The following ROBO1 variants were observed in gnomAD, a reference collection of about 807,000 sequenced individuals.
The protein encoded by ROBO1 is roundabout guidance receptor 1, also known as roundabout homolog 1.
In ROBO1, 149 loss-of-function variants were observed where a neutral mutation model predicts 195.9. The ratio of observed to expected loss-of-function variants is 0.76; its 90% CI spans 0.67 to 0.87. The LOEUF is 0.87. Among genes scored for constraint, ROBO1 ranks in the 40% least tolerant of loss-of-function variants. The pLI is 0.00. For missense variants in ROBO1, 1,933 were observed against 2,068.3 expected (o/e 0.93, Z 1.27); for synonymous variants, 816 against 733.2 (o/e 1.11, Z -1.82).
chr3:78,701,808 T>C (rs1209924280), intron 8 of ROBO1, among the ~76,000 whole-genome samples: 2 of 152,204 alleles, frequency 1.3e-5, no homozygotes, highest in Non-Finnish European at 2.9e-5. Flanking sequence ...GTCCTAAAGC[T>C]AACTTTAACA....
chr3:78,657,920 A>G (rs980910877), intron 17 of ROBO1, among the ~76,000 whole-genome samples: 7 of 152,230 alleles, frequency 4.6e-5, no homozygotes, highest in Non-Finnish European at 7.3e-5. Context: ...ATTTTATTCA[A>G]CCTCTGGTAC....
intron 1 of ROBO1, among the ~76,000 whole-genome samples, chr3:79,645,159 A>T (rs1945781800): frequency 6.6e-6 from 1 of 152,104 alleles, no homozygotes; most frequent in South Asian, 2.1e-4. Context: ...GACCTAGAAA[A>T]GCAAAATCAA....
intron 1 of ROBO1, among the ~76,000 whole-genome samples, chr3:79,610,681 C>G (rs754153952): frequency 2.6e-5 from 4 of 151,900 alleles, no homozygotes; most frequent in Non-Finnish European, 4.4e-5. Context: ...TGTGGAAAGA[C>G]GAGATATCAT....
intron 2 of ROBO1, among the ~76,000 whole-genome samples, chr3:79,417,179 G>A (rs763108895): frequency 7.2e-5 from 11 of 152,122 alleles, no homozygotes; most frequent in African/African-American, 1.2e-4. Context: ...ATGATGCTGT[G>A]ATTCTAAGTC....
chr3:78,691,082 A>G (rs1254120002), intron 8 of ROBO1, among the ~76,000 whole-genome samples: 1 of 152,126 alleles, frequency 6.6e-6, no homozygotes, highest in Non-Finnish European at 1.5e-5. Context: ...TTAGAAACAT[A>G]ACTTTTAAAA....
intron 5 of ROBO1, among the ~76,000 whole-genome samples, chr3:78,731,083 A>T (rs2108187471): frequency 6.6e-6 from 1 of 152,272 alleles, no homozygotes; most frequent in Non-Finnish European, 1.5e-5. Context: ...GTGAAAACAA[A>T]ATAAAAGAGA....
At chr3:79,031,641 T>A (rs1428874834) in intron 3 of ROBO1, among the ~76,000 whole-genome samples, 3 of 152,194 alleles carry the variant, frequency 2.0e-5, no homozygotes, top group Non-Finnish European at 4.4e-5. Flanking sequence ...AGTTCTCCCC[T>A]TCTAGGGGTT....
At chr3:78,705,028 T>G (rs1174740451) in intron 8 of ROBO1, among the ~76,000 whole-genome samples, 1 of 152,226 alleles carries the variant, frequency 6.6e-6, no homozygotes, top group Non-Finnish European at 1.5e-5. Flanking sequence ...ACAGTATATC[T>G]AAATTTGTTT....
At chr3:79,475,150 T>A (rs182586707) in intron 2 of ROBO1, among the ~76,000 whole-genome samples, 3,797 of 151,610 alleles carry the variant, frequency 0.025, 105 homozygotes, top group African/African-American at 0.067. Flanking sequence ...GCTTTTTTTT[T>A]AAAAAAAAAT....
chr3:79,621,194 T>G (rs909171453), intron 1 of ROBO1, among the ~76,000 whole-genome samples: 1 of 152,162 alleles, frequency 6.6e-6, no homozygotes, highest in South Asian at 2.1e-4. Context: ...ACAGCCCTCA[T>G]TACTTCAGTC....
chr3:78,859,803 C>T (rs1308491683), intron 4 of ROBO1, among the ~76,000 whole-genome samples: 1 of 152,002 alleles, frequency 6.6e-6, no homozygotes, highest in African/African-American at 2.4e-5. Context: ...CAGGGGGAGC[C>T]GGTGCAGGGG....
At position 78,607,010 on chromosome 3, in the gene ROBO1, A is replaced by T; in HGVS notation, c.4467T>A (p.Ala1489=). The change falls in exon 29 of 31, where the codon GCT becomes GCA. Residue 1489 remains alanine, a synonymous_variant. Coordinates refer to ENST00000464233, the MANE Select transcript of ROBO1 (RefSeq NM_002941.4). The part of the protein sequence containing the change: ...DLPPPPVPPP[A]IKSPTAQSKT... ...TGGATTGGGCAGTAGGTGACTTTAT[A>T]GCAGGTGGCGGCACAGGAGGTGGTG... is the stretch of plus-strand genomic sequence containing the variant. 1 of 1,612,630 alleles carries T rather than the reference A, an allele frequency of 6.2e-7. No individual in the cohort carries two copies. Among genetic ancestry groups the T allele is most frequent in the South Asian group, 1.1e-5 (1 of 91,068 alleles).
At chr3:78,711,388 TTCCTTC>T (rs1559773403) in intron 8 of ROBO1, among the ~76,000 whole-genome samples, 81 of 46,982 alleles carry the variant, frequency 1.7e-3, no homozygotes, top group Admixed American at 3.0e-3. Context: ...CCTTCCTTCC[TTCCTTC>T]CTTCCTTTCT....
In ROBO1 at chr3:79,464,619, T is replaced by A. The variant is rs917316156; in HGVS notation, c.88+125205A>T. Among the ~76,000 whole-genome samples the A allele has an allele frequency of 3.3e-5, 5 of 152,168 alleles. No individual in the cohort carries two copies. In the East Asian group the frequency reaches 9.6e-4, roughly 29 times the overall value. On this transcript the variant is annotated intron_variant, in intron 2 of 30. Coordinates refer to ENST00000464233, the MANE Select transcript of ROBO1 (RefSeq NM_002941.4). ...AAAAAATTTATTTGCATTTTAAGTA[T>A]TTTTTATATTGTTTGGATACAAGTT...
At chr3:78,734,397 CAAA>C (rs35325702) in intron 5 of ROBO1, among the ~76,000 whole-genome samples, 15 of 134,886 alleles carry the variant, frequency 1.1e-4, no homozygotes, top group South Asian at 2.5e-4. Context: ...CCCACCGCCA[CAAA>C]AAAAAAAAAA....
intron 4 of ROBO1, among the ~76,000 whole-genome samples, chr3:78,865,897 C>T (rs925683629): frequency 6.6e-6 from 1 of 152,150 alleles, no homozygotes; most frequent in Non-Finnish European, 1.5e-5. Context: ...GACAAACCAA[C>T]ATTCCAATAT....
chr3:79,023,838 G>A (rs1317523790), intron 3 of ROBO1, among the ~76,000 whole-genome samples: 1 of 150,716 alleles, frequency 6.6e-6, no homozygotes, highest in African/African-American at 2.4e-5. Flanking sequence ...CAGGTAGCTG[G>A]GATTACAGGT....
chr3:79,023,869 A>ATTT (rs569045261), intron 3 of ROBO1, among the ~76,000 whole-genome samples: 1 of 134,970 alleles, frequency 7.4e-6, no homozygotes, highest in South Asian at 2.4e-4. Context: ...ACACCCGGCT[A>ATTT]TTTTTTTTTT....
Position 79,206,601 on chromosome 3 carries a change from A to G in ROBO1, c.89-81062T>C, listed in dbSNP as rs1559734869. Among the ~76,000 whole-genome samples the G allele has an allele frequency of 3.3e-5, 5 of 152,252 alleles. No individual in the cohort carries two copies. The South Asian group carries it at 1.0e-3, about 32-fold the overall frequency. On this transcript the variant is annotated intron_variant, in intron 2 of 30. Coordinates refer to ENST00000464233, the MANE Select transcript of ROBO1 (RefSeq NM_002941.4). ...ACATATCCCCTGAGGACAAGGAGAG[A>G]TCATTGTATATTCATTCAGATGGTG...
Sources: gnomAD v4.1 joint callset for allele counts (sites outside exome capture counted in the v4.1 genomes callset) on GRCh38, gnomAD v4.1.1 for gene constraint, MANE v1.5 for transcripts, NCBI Gene and HGNC (gene_info 2026-07-23, HGNC 2026-07-21) for gene names.